Variants in COL28A1 observed in about 807,000 individuals in gnomAD.
COL28A1 encodes the protein collagen type XXVIII alpha 1 chain.
In COL28A1, 161 loss-of-function variants were observed where a neutral mutation model predicts 150.2. The observed-to-expected ratio is 1.07, with a 90% CI of 0.94 to 1.22. The LOEUF is 1.22. Among genes scored for constraint, COL28A1 ranks in the 50% most tolerant of loss-of-function variants. The pLI is 0.00. For synonymous variants in COL28A1, 552 were observed against 469.7 expected, an observed-to-expected ratio of 1.18 and a Z score of -2.26; for missense variants, 1,617 against 1,388.3, an observed-to-expected ratio of 1.16 and a Z score of -2.62.
chr7:7,539,606 G>A (rs1782751127), upstream of COL28A1, among the ~76,000 whole-genome samples: 1 of 152,120 alleles, frequency 6.6e-6, no homozygotes, highest in South Asian at 2.1e-4. Context: ...AAGATTAAAA[G>A]CATTCAAAGA....
intron 25 of COL28A1, chr7:7,420,234 GAGGATGGAAGA>G (rs1447957912): frequency 8.8e-6 from 2 of 226,946 alleles, no homozygotes; most frequent in Non-Finnish European, 1.7e-5. Flanking sequence ...ATTGTGAATA[GAGGATGGAAGA>G]AGAGACAAGA....
rs759948845 is a variant in COL28A1 at position 7,380,793 on chromosome 7, G to C, written c.2275C>G (p.Pro759Ala). 1.2e-6 allele frequency: 2 copies of C among 1,613,714 alleles called. No homozygotes were observed. The highest frequency in any genetic ancestry group is 2.7e-5 in the African/African-American group (2 of 74,848). Residue 759 changes from proline (P) to alanine (A), a missense_variant, in exon 29 of 35, where the codon CCA becomes GCA. Physicochemically the swap from Pro to Ala is conservative, Grantham distance 27. Coordinates refer to ENST00000399429, the MANE Select transcript of COL28A1 (RefSeq NM_001037763.3). ...TAAAAACTACTTGCCTGTTTTCCTGGAGATCCAGGCTCTCCAATTTCTCCT... is the reference window on the plus strand; with the variant it reads ...TAAAAACTACTTGCCTGTTTTCCTGCAGATCCAGGCTCTCCAATTTCTCCT... ...DKGEIGEPGS[P>A]GKQGLQGPKG...
downstream of COL28A1, among the ~76,000 whole-genome samples, chr7:7,355,565 G>T (rs1780328608): frequency 6.6e-6 from 1 of 151,984 alleles, no homozygotes; most frequent in South Asian, 2.1e-4. Flanking sequence ...AGCTGAGATT[G>T]TACCACTGCA....
chr7:7,512,683 T>G (rs1456794763), intron 8 of COL28A1, among the ~76,000 whole-genome samples: 2 of 152,202 alleles, frequency 1.3e-5, no homozygotes, highest in Non-Finnish European at 2.9e-5. Flanking sequence ...CCTTTATAAA[T>G]CACTTTAGAG....
At chr7:7,470,125 TAA>T in intron 15 of COL28A1, among the ~76,000 whole-genome samples, 1 of 32,208 alleles carries the variant, frequency 3.1e-5, no homozygotes, top group Non-Finnish European at 5.2e-5. Flanking sequence ...CTAATTAAAC[TAA>T]AGAGCTTCTG....
At chr7:7,486,604 T>C (rs1779638323) in intron 13 of COL28A1, among the ~76,000 whole-genome samples, 1 of 152,180 alleles carries the variant, frequency 6.6e-6, no homozygotes, top group African/African-American at 2.4e-5. Context: ...TCCTCCTCTA[T>C]TTATAGCTTT....
At chr7:7,464,638 A>G (rs904943314) in intron 15 of COL28A1, among the ~76,000 whole-genome samples, 1 of 152,240 alleles carries the variant, frequency 6.6e-6, no homozygotes, top group Non-Finnish European at 1.5e-5. Flanking sequence ...ACAACCTATG[A>G]AAACCTCTGG....
At chr7:7,539,393 A>T (rs1017096542), upstream of COL28A1, among the ~76,000 whole-genome samples, 1 of 152,138 alleles carries the variant, frequency 6.6e-6, no homozygotes, top group Admixed American at 6.5e-5. Context: ...TCCCCCAGGA[A>T]CTAATACAGA....
intron 11 of COL28A1, among the ~76,000 whole-genome samples, chr7:7,499,684 A>G (rs369847751): frequency 1.6e-4 from 25 of 152,294 alleles, no homozygotes; most frequent in African/African-American, 5.8e-4. Flanking sequence ...AAATATATCT[A>G]CACAAGATGC....
chr7:7,531,483 T>G lies in COL28A1; in HGVS notation c.546A>C (p.Gly182=). The part of the protein sequence containing the change: ...QSISEDARIS[G]ISFITIALST... ...AAAGTGCAATGGTGATAAATGATAT[T>G]CCTGAAATTCTGGCATCTTCAGAAA... The change falls in exon 3 of 35, where the codon GGA becomes GGC. Residue 182 remains glycine, a synonymous_variant. Transcript: ENST00000399429. 6.2e-7 allele frequency: 1 copy of G among 1,606,114 alleles called. No individual in the cohort carries two copies. Among genetic ancestry groups the G allele is most frequent in the South Asian group, 1.1e-5 (1 of 90,852 alleles).
intron 12 of COL28A1, 125 bp from the exon 13 acceptor site, chr7:7,489,582 A>T: frequency 1.5e-6 from 1 of 666,120 alleles, no homozygotes. Flanking sequence ...GTTTTCATAA[A>T]GGTAAAAAAT....
upstream of COL28A1, among the ~76,000 whole-genome samples, chr7:7,537,679 A>C (rs183356372): frequency 6.6e-6 from 1 of 152,302 alleles, no homozygotes; most frequent in African/African-American, 2.4e-5. Context: ...TCTCCTCCTC[A>C]CAAAACAGGT....
intron 14 of COL28A1, among the ~76,000 whole-genome samples, chr7:7,475,504 G>A (rs1014569824): frequency 6.6e-6 from 1 of 152,180 alleles, no homozygotes; most frequent in Non-Finnish European, 1.5e-5. Flanking sequence ...TTTCTTTGAT[G>A]AGATAGAGGT....
chr7:7,413,790 A>G (rs1337182103), intron 27 of COL28A1, among the ~76,000 whole-genome samples: 8 of 152,226 alleles, frequency 5.3e-5, no homozygotes, highest in African/African-American at 1.7e-4. Context: ...TGGGTGGGTC[A>G]GTCATATTCA....
rs151063458 is a variant in COL28A1, at chr7:7,515,926, A to G, written c.856-86T>C. 18 of 756,542 alleles carry G rather than the reference A, an allele frequency of 2.4e-5. No homozygotes were observed. In the East Asian group the frequency reaches 2.7e-4, roughly 11 times the overall value. 46.9% of individuals were successfully genotyped at this position (756,542 alleles called of 1,614,324 possible). On this transcript the variant is annotated intron_variant, in intron 7 of 34. Coordinates refer to ENST00000399429, the MANE Select transcript of COL28A1 (RefSeq NM_001037763.3). ...ATTAGGTATTTTTCAATTACAAGGTATAACAAAAACACATCTATACAGTCT... is the reference window on the plus strand; with the variant it reads ...ATTAGGTATTTTTCAATTACAAGGTGTAACAAAAACACATCTATACAGTCT...
At chr7:7,376,732 A>ATACG (rs1781567270) in intron 30 of COL28A1, among the ~76,000 whole-genome samples, 4 of 93,862 alleles carry the variant, frequency 4.3e-5, no homozygotes, top group Admixed American at 3.4e-4. Context: ...GAGAAAATAC[A>ATACG]CCAAGTTTTA....
intron 11 of COL28A1, among the ~76,000 whole-genome samples, chr7:7,495,326 T>C (rs77979808): frequency 0.017 from 2,663 of 152,274 alleles, 72 homozygotes; most frequent in African/African-American, 0.057. Context: ...TAGACACATG[T>C]GGCTACCTTA....
rs1562930702 is a variant in COL28A1, at chr7:7,531,738, C to T, written c.291G>A (p.Gln97=). 1 of 1,609,982 alleles carries T rather than the reference C, an allele frequency of 6.2e-7. No individual in the cohort carries two copies. The highest frequency in any genetic ancestry group is 2.2e-5 in the East Asian group (1 of 44,866). Residue 97 remains glutamine, a synonymous_variant, in exon 3 of 35, where the codon CAG becomes CAA. Transcript: ENST00000399429. ...LEYDIKLAAL[Q]FSSSVQIDPP... ...GATCAATTTGGACAGAGCTGCTAAACTGAAGGGCTGCCAGTTTGATGTCAT... is the reference window on the plus strand; with the variant it reads ...GATCAATTTGGACAGAGCTGCTAAATTGAAGGGCTGCCAGTTTGATGTCAT...
intron 7 of COL28A1, among the ~76,000 whole-genome samples, chr7:7,517,150 G>T (rs926128106): frequency 6.6e-6 from 1 of 151,882 alleles, no homozygotes; most frequent in Non-Finnish European, 1.5e-5. Flanking sequence ...TTTTAATGAA[G>T]TTGATTCAAA....
Sources: allele counts gnomAD v4.1 joint callset (sites outside exome capture counted in the v4.1 genomes callset), GRCh38; gene constraint gnomAD v4.1.1; transcripts MANE v1.5; gene names NCBI Gene and HGNC (gene_info 2026-07-23, HGNC 2026-07-21).